TNS3: variants seen among roughly 807,000 people sequenced by gnomAD.
TNS3 encodes tensin-3.
In TNS3, 45 loss-of-function variants were observed where a neutral mutation model predicts 140.9. The ratio of observed to expected loss-of-function variants is 0.32; its 90% CI spans 0.25 to 0.41. The LOEUF is 0.41. TNS3 is among the 10% of genes least tolerant of loss of function. The pLI, the probability that TNS3 is intolerant of heterozygous loss-of-function variation, is 1.00. For synonymous variants in TNS3, 815 were observed against 788.4 expected, an observed-to-expected ratio of 1.03 and a Z score of -0.56; for missense variants, 1,716 against 1,906.7, an observed-to-expected ratio of 0.90 and a Z score of 1.86.
chr7:47,373,228 C>G (rs184723608), intron 16 of TNS3, among the ~76,000 whole-genome samples: 2 of 152,216 alleles, frequency 1.3e-5, no homozygotes, highest in Non-Finnish European at 2.9e-5. Flanking sequence ...CCCCATTCCA[C>G]CATTTACTCT....
At chr7:47,382,373 A>T (rs1259421825) in intron 16 of TNS3, among the ~76,000 whole-genome samples, 1 of 152,170 alleles carries the variant, frequency 6.6e-6, no homozygotes, top group Non-Finnish European at 1.5e-5. Context: ...GATCTTGTTT[A>T]CGTAGCTGGC....
chr7:47,462,541 G>A lies in TNS3; in HGVS notation c.-76+18562C>T, dbSNP rs113560547. 2.5e-4 allele frequency among the ~76,000 whole-genome samples: 38 copies of A among 152,230 alleles called. 1 individual carries two copies. The highest frequency in any genetic ancestry group is 7.9e-4 in the African/African-American group (33 of 41,546). The stretch of plus-strand genomic sequence containing the variant: ...AATCAGTGTTTGCAGCAACTTTATC[G>A]AACATGACTACCACCAATAATGAGA... On this transcript the variant is annotated intron_variant, in intron 4 of 30. Coordinates refer to ENST00000311160, the MANE Select transcript of TNS3 (RefSeq NM_022748.12).
chr7:47,437,119 G>A, intron 7 of TNS3, 144 bp downstream of exon 7: 1 of 505,476 alleles, frequency 2.0e-6, no homozygotes, highest in South Asian at 2.7e-5. Context: ...TGAAAAAAAA[G>A]TAATTAAAAT....
At chr7:47,568,763 C>A (rs146291152) in intron 1 of TNS3, among the ~76,000 whole-genome samples, 21 of 152,314 alleles carry the variant, frequency 1.4e-4, no homozygotes, top group African/African-American at 5.1e-4. Flanking sequence ...GTGGGGGAGT[C>A]GTGAGTGGCA....
intron 4 of TNS3, among the ~76,000 whole-genome samples, chr7:47,476,022 A>G (rs1310863644): frequency 6.6e-6 from 1 of 152,208 alleles, no homozygotes; most frequent in Non-Finnish European, 1.5e-5. Context: ...GGCACACAGC[A>G]AAGGCTGTGG....
intron 20 of TNS3, among the ~76,000 whole-genome samples, chr7:47,309,131 C>T (rs1407568926): frequency 6.6e-6 from 1 of 152,194 alleles, no homozygotes; most frequent in Non-Finnish European, 1.5e-5. Flanking sequence ...TTTCAGGGAT[C>T]GTTGTCTTTC....
chr7:47,479,153 G>C (rs529381547), intron 4 of TNS3, among the ~76,000 whole-genome samples: 32 of 152,350 alleles, frequency 2.1e-4, no homozygotes, highest in Non-Finnish European at 4.1e-4. Context: ...CAGCCAGGAT[G>C]GGCCCTTTGG....
chr7:47,546,725 T>TCTG (rs1267178459), intron 1 of TNS3, among the ~76,000 whole-genome samples: 2 of 152,186 alleles, frequency 1.3e-5, no homozygotes, highest in African/African-American at 4.8e-5. Flanking sequence ...TCATCCCATG[T>TCTG]CTGCAGTGAC....
chr7:47,511,659 A>G (rs1040167525), intron 2 of TNS3, among the ~76,000 whole-genome samples: 1 of 151,844 alleles, frequency 6.6e-6, no homozygotes, highest in Non-Finnish European at 1.5e-5. Context: ...GAATGGGGTA[A>G]GGACCCAACT....
chr7:47,520,218 T>C (rs980639177), intron 2 of TNS3, among the ~76,000 whole-genome samples: 15 of 152,294 alleles, frequency 9.8e-5, no homozygotes, highest in African/African-American at 3.6e-4. Flanking sequence ...GCCTCTTCCC[T>C]GGCTTCGAGG....
intron 3 of TNS3, among the ~76,000 whole-genome samples, chr7:47,487,126 CCGTCT>C (rs1162359110): frequency 6.6e-6 from 1 of 152,078 alleles, no homozygotes; most frequent in Non-Finnish European, 1.5e-5. Flanking sequence ...TGGCAAAACC[CCGTCT>C]CTACTAAAAA....
At chr7:47,442,604 C>T (rs1057465295) in intron 4 of TNS3, among the ~76,000 whole-genome samples, 1 of 152,214 alleles carries the variant, frequency 6.6e-6, no homozygotes, top group Non-Finnish European at 1.5e-5. Context: ...GGAAAAATGC[C>T]CAGCAACTGT....
chr7:47,276,803 C>T lies in TNS3; in HGVS notation c.*1273G>A, dbSNP rs1358075832. The stretch of plus-strand genomic sequence containing the variant: ...GCTTGTCAGTACCGGGGTTTCTTCT[C>T]TTTTTCCTCATCCTCCCTTCTGCTC... On this transcript the variant is annotated 3_prime_UTR_variant, in exon 31 of 31. Coordinates refer to ENST00000311160, the MANE Select transcript of TNS3 (RefSeq NM_022748.12). 1 of 152,250 alleles carries T rather than the reference C, an allele frequency of 6.6e-6. No individual in the cohort carries two copies. The highest frequency in any genetic ancestry group is 1.9e-4 in the East Asian group (1 of 5,194). The allele number at this position is 152,250 out of a possible 1,614,324, so 9.4% of individuals were successfully genotyped here.
chr7:47,462,616 C>A (rs1480834512), intron 4 of TNS3, among the ~76,000 whole-genome samples: 1 of 152,122 alleles, frequency 6.6e-6, no homozygotes, highest in Non-Finnish European at 1.5e-5. Context: ...GTAAGACAGC[C>A]CCATTGTCAG....
rs926761603 is a variant in TNS3, at chr7:47,277,316, C to A, written c.*760G>T. The A allele has an allele frequency of 1.3e-5, 2 of 152,232 alleles. No homozygotes were observed. Among genetic ancestry groups the A allele is most frequent in the South Asian group, 2.1e-4 (1 of 4,662 alleles). The allele number at this position is 152,232 out of a possible 1,614,324, so 9.4% of individuals were successfully genotyped here. ...CATAGAAATAATATTTTTGTTCCTT[C>A]TTCTCATTTCTCCTCTCGGTCCTCA... On this transcript the variant is annotated 3_prime_UTR_variant, in exon 31 of 31. Coordinates refer to ENST00000311160, the MANE Select transcript of TNS3 (RefSeq NM_022748.12).
chr7:47,280,536 C>G (rs1352882928), intron 28 of TNS3, among the ~76,000 whole-genome samples, 182 bp from the exon 29 acceptor site: 1 of 152,210 alleles, frequency 6.6e-6, no homozygotes, highest in Non-Finnish European at 1.5e-5. Context: ...TGTCATGAAG[C>G]TGGGCAGAAC....
intron 16 of TNS3, among the ~76,000 whole-genome samples, chr7:47,391,287 C>T (rs1206395274): frequency 1.3e-5 from 2 of 152,296 alleles, no homozygotes; most frequent in East Asian, 3.9e-4. Context: ...ACACGGTGCA[C>T]CCTGTGGCAA....
intron 20 of TNS3, among the ~76,000 whole-genome samples, chr7:47,314,834 G>A (rs1248094487): frequency 2.0e-5 from 3 of 152,162 alleles, no homozygotes; most frequent in Non-Finnish European, 2.9e-5. Flanking sequence ...CATTAAGCCC[G>A]CTGCTCTCTC....
chr7:47,361,216 A>AAAAAAAAAAAAAAAAAAAAAAAC (rs1790305357), intron 17 of TNS3, among the ~76,000 whole-genome samples: 3 of 146,794 alleles, frequency 2.0e-5, no homozygotes, highest in Admixed American at 6.9e-5. Flanking sequence ...CAAAAAAAAA[A>AAAAAAAAAAAAAAAAAAAAAAAC]AAAAAAAACA....
Sources: allele counts gnomAD v4.1 joint callset (sites outside exome capture counted in the v4.1 genomes callset), GRCh38; gene constraint gnomAD v4.1.1; transcripts MANE v1.5; gene names NCBI Gene and HGNC (gene_info 2026-07-23, HGNC 2026-07-21).